DENND2B: variants seen among roughly 807,000 people sequenced by gnomAD.
The protein encoded by DENND2B is DENN domain-containing protein 2B.
A neutral mutation model predicts 116.0 loss-of-function variants in DENND2B; 32 were observed. The ratio of observed to expected loss-of-function variants is 0.28; its 90% CI spans 0.21 to 0.37. The LOEUF (loss-of-function observed/expected upper bound fraction) is 0.37, where lower values mean the gene tolerates loss of function less well. Among genes scored for constraint, DENND2B ranks in the 10% least tolerant of loss-of-function variants. The pLI is 1.00. For missense variants in DENND2B, 1,276 were observed against 1,477.7 expected, an observed-to-expected ratio of 0.86 and a Z score of 2.24; for synonymous variants, 588 against 583.9, an observed-to-expected ratio of 1.01 and a Z score of -0.10.
intron 2 of DENND2B, among the ~76,000 whole-genome samples, chr11:8,866,682 T>A (rs576763065): frequency 1.3e-5 from 2 of 152,330 alleles, no homozygotes; most frequent in Non-Finnish European, 2.9e-5. Flanking sequence ...CTAGAAGAAC[T>A]AGGAAAACTG....
At chr11:8,758,518 G>A (rs1191814285) in intron 1 of DENND2B, among the ~76,000 whole-genome samples, 1 of 152,180 alleles carries the variant, frequency 6.6e-6, no homozygotes, top group Non-Finnish European at 1.5e-5. Flanking sequence ...GTTTATATCA[G>A]TCATACACTG....
intron 1 of DENND2B, among the ~76,000 whole-genome samples, chr11:8,788,558 C>T (rs2059115637): frequency 6.6e-6 from 1 of 152,202 alleles, no homozygotes; most frequent in Non-Finnish European, 1.5e-5. Context: ...CATCTTCAAA[C>T]TCTTCACAGA....
chr11:8,806,948 C>T (rs2060916283), intron 1 of DENND2B, among the ~76,000 whole-genome samples: 1 of 151,918 alleles, frequency 6.6e-6, no homozygotes, highest in Non-Finnish European at 1.5e-5. Flanking sequence ...CTATGCCCTC[C>T]TGGCCCCTTC....
rs3833781 is a variant in DENND2B at position 8,693,715 on chromosome 11, T to TCAGGCAGG, written c.*373_*380dup. 1,340 of 195,434 alleles carry TCAGGCAGG rather than the reference T, an allele frequency of 6.9e-3. 18 individuals are homozygous for TCAGGCAGG. Among genetic ancestry groups the TCAGGCAGG allele is most frequent in the African/African-American group, 0.03 (1,283 of 42,604 alleles). The allele number at this position is 195,434 out of a possible 1,614,324, so 12.1% of individuals were successfully genotyped here. On this transcript the variant is annotated 3_prime_UTR_variant, in exon 20 of 20. Transcript: ENST00000313726. ...GGGCCCGGGACTGGCAGCGGGGACC[T>TCAGGCAGG]CAGGCAGGCAGGCAGGCCGAAGGCC...
At chr11:8,822,979 T>C (rs1246167154) in intron 4 of DENND2B, among the ~76,000 whole-genome samples, 1 of 152,160 alleles carries the variant, frequency 6.6e-6, no homozygotes, top group Non-Finnish European at 1.5e-5. Context: ...ACAAATCGCA[T>C]CAAGAGACAT....
chr11:8,909,435 G>GAAGAAGAAGA, intron 1 of DENND2B, among the ~76,000 whole-genome samples: 1 of 42,016 alleles, frequency 2.4e-5, no homozygotes, highest in South Asian at 2.0e-3. Flanking sequence ...GGAGGAGGAG[G>GAAGAAGAAGA]AGGAAGAAGG....
chr11:8,897,785 C>T (rs1011691709), intron 1 of DENND2B, among the ~76,000 whole-genome samples: 2 of 152,082 alleles, frequency 1.3e-5, no homozygotes, highest in Admixed American at 1.3e-4. Flanking sequence ...AACTCTATTT[C>T]TTTGTTCTTG....
chr11:8,833,011 C>T (rs1030521792), intron 4 of DENND2B, among the ~76,000 whole-genome samples: 3 of 152,348 alleles, frequency 2.0e-5, no homozygotes, highest in Admixed American at 6.5e-5. Context: ...TAGGCTTTGG[C>T]GTCACCTGCT....
chr11:8,745,398 C>G (rs891617980), intron 2 of DENND2B, among the ~76,000 whole-genome samples: 1 of 152,168 alleles, frequency 6.6e-6, no homozygotes, highest in African/African-American at 2.4e-5. Flanking sequence ...TTGTAATAGA[C>G]TTCAAGCTGA....
chr11:8,872,961 A>G (rs926471566), upstream of DENND2B, among the ~76,000 whole-genome samples: 3 of 152,182 alleles, frequency 2.0e-5, no homozygotes, highest in Admixed American at 6.5e-5. Flanking sequence ...CCATATTTGG[A>G]TGAACTTAGC....
intron 2 of DENND2B, among the ~76,000 whole-genome samples, chr11:8,748,052 G>A (rs1266461001): frequency 6.6e-6 from 1 of 151,956 alleles, no homozygotes; most frequent in Non-Finnish European, 1.5e-5. Flanking sequence ...TTCCACCAAA[G>A]CTGGATACAA....
At chr11:8,745,838 C>G (rs530286649) in intron 2 of DENND2B, among the ~76,000 whole-genome samples, 2 of 152,352 alleles carry the variant, frequency 1.3e-5, no homozygotes, top group East Asian at 3.9e-4. Flanking sequence ...CCAGCATCAA[C>G]TGTCATACAT....
intron 4 of DENND2B, among the ~76,000 whole-genome samples, chr11:8,837,601 C>T (rs1210935740): frequency 6.6e-6 from 1 of 152,184 alleles, no homozygotes; most frequent in Non-Finnish European, 1.5e-5. Flanking sequence ...CCACCTCAGC[C>T]TCCGAAAGTG....
intron 1 of DENND2B, among the ~76,000 whole-genome samples, chr11:8,787,662 C>T (rs564283063): frequency 6.3e-4 from 96 of 152,338 alleles, no homozygotes; most frequent in African/African-American, 2.2e-3. Context: ...CCACGTCTAA[C>T]GTCCATGGGC....
intron 3 of DENND2B, among the ~76,000 whole-genome samples, chr11:8,850,165 C>T (rs796223600): frequency 1.2e-4 from 18 of 152,184 alleles, no homozygotes; most frequent in African/African-American, 3.9e-4. Flanking sequence ...ATAAATTTCA[C>T]ATTAAATTAC....
In DENND2B at chr11:8,776,136, GCACGTGCGCGCA is replaced by G. The variant is rs147388969; in HGVS notation, c.-25-25423_-25-25412del. On this transcript the variant is annotated intron_variant, in intron 1 of 19. Transcript: ENST00000313726. ...CAGACTTGCACATGCACACAGACAC[GCACGTGCGCGCA>G]CGCGCGCGCGCGCACACACACACAC... 2.1e-3 allele frequency: 437 copies of G among 211,088 alleles called. 24 individuals carry two copies. Among genetic ancestry groups the G allele is most frequent in the Admixed American group, 8.0e-3 (199 of 24,748 alleles). The allele number at this position is 211,088 out of a possible 1,614,324, so 13.1% of individuals were successfully genotyped here.
chr11:8,844,308 G>A (rs34874636), intron 3 of DENND2B, among the ~76,000 whole-genome samples: 47,554 of 152,108 alleles, frequency 0.31, 7,700 homozygotes, highest in East Asian at 0.55. Flanking sequence ...GGCTAGGTGG[G>A]AGGATGGCTT....
intron 2 of DENND2B, among the ~76,000 whole-genome samples, chr11:8,748,495 A>G (rs2051715677): frequency 6.6e-6 from 1 of 152,186 alleles, no homozygotes; most frequent in Non-Finnish European, 1.5e-5. Flanking sequence ...GAAGGCAGCC[A>G]AAGAAACCAC....
At chr11:8,827,313 A>G (rs2062016511) in intron 4 of DENND2B, among the ~76,000 whole-genome samples, 1 of 152,244 alleles carries the variant, frequency 6.6e-6, no homozygotes, top group South Asian at 2.1e-4. Context: ...TAGTGCCAGC[A>G]GAACACTCCC....
Sources: gnomAD v4.1 joint callset for allele counts (sites outside exome capture counted in the v4.1 genomes callset) on GRCh38, gnomAD v4.1.1 for gene constraint, MANE v1.5 for transcripts, NCBI Gene and HGNC (gene_info 2026-07-23, HGNC 2026-07-21) for gene names.